Variants in MEI4 observed in about 807,000 individuals in gnomAD.
The protein encoded by MEI4 is meiotic double-stranded break formation protein 4.
A neutral mutation model predicts 31.4 loss-of-function variants in MEI4; 27 were observed. The observed-to-expected ratio is 0.86, with a 90% CI of 0.63 to 1.19. The LOEUF is 1.19. Ranked by LOEUF, MEI4 falls within the 50% of genes most tolerant of loss-of-function variation. The pLI is 0.00. For missense variants in MEI4, 329 were observed against 398.9 expected (o/e 0.82, Z 1.49); for synonymous variants, 122 against 145.4 (o/e 0.84, Z 1.16).
At chr6:77,660,603 C>T (rs1046828506) in intron 1 of MEI4, among the ~76,000 whole-genome samples, 8 of 151,700 alleles carry the variant, frequency 5.3e-5, no homozygotes, top group Non-Finnish European at 7.4e-5. Flanking sequence ...AAAGCCCTGT[C>T]GCAAAAGTAG....
intron 2 of MEI4, among the ~76,000 whole-genome samples, chr6:77,756,151 G>C (rs1447774033): frequency 6.6e-6 from 1 of 152,036 alleles, no homozygotes; most frequent in African/African-American, 2.4e-5. Flanking sequence ...AAAGGGACAA[G>C]GATATATTAG....
At chr6:77,734,156 G>A (rs1051363664) in intron 2 of MEI4, among the ~76,000 whole-genome samples, 5 of 151,984 alleles carry the variant, frequency 3.3e-5, no homozygotes, top group Non-Finnish European at 5.9e-5. Context: ...GCTTGGTGCA[G>A]AGCTGAGTTC....
At chr6:77,687,276 C>T (rs543155822) in intron 1 of MEI4, among the ~76,000 whole-genome samples, 11 of 152,126 alleles carry the variant, frequency 7.2e-5, no homozygotes, top group African/African-American at 1.4e-4. Context: ...TACATACCTT[C>T]GTGGGAGATA....
intron 2 of MEI4, among the ~76,000 whole-genome samples, chr6:77,701,398 G>A (rs987523238): frequency 2.0e-5 from 3 of 152,094 alleles, no homozygotes; most frequent in Non-Finnish European, 2.9e-5. Context: ...TCCGTAGGCA[G>A]ATTTAGGATT....
chr6:77,922,048 G>GA (rs1166333324), intron 4 of MEI4, among the ~76,000 whole-genome samples: 2 of 151,552 alleles, frequency 1.3e-5, no homozygotes, highest in African/African-American at 4.8e-5. Flanking sequence ...CCTTCAATTT[G>GA]AAAAAATTGC....
intron 2 of MEI4, among the ~76,000 whole-genome samples, chr6:77,723,180 A>C (rs1766752285): frequency 6.9e-6 from 1 of 144,194 alleles, no homozygotes; most frequent in Admixed American, 6.9e-5. Flanking sequence ...CAGTCCCCTC[A>C]GGCAGGGGGC....
At chr6:77,907,374 G>A (rs1766320361) in intron 4 of MEI4, among the ~76,000 whole-genome samples, 1 of 152,136 alleles carries the variant, frequency 6.6e-6, no homozygotes, top group African/African-American at 2.4e-5. Context: ...ACCTATGAGT[G>A]AGAACATGCA....
At chr6:77,862,408 C>T (rs768222925) in intron 4 of MEI4, among the ~76,000 whole-genome samples, 9 of 152,216 alleles carry the variant, frequency 5.9e-5, no homozygotes, top group South Asian at 2.1e-4. Flanking sequence ...TCTTAGCAAA[C>T]GGCACAACAG....
intron 4 of MEI4, among the ~76,000 whole-genome samples, chr6:77,888,613 T>C (rs1204258852): frequency 6.6e-6 from 1 of 152,200 alleles, no homozygotes; most frequent in Non-Finnish European, 1.5e-5. Flanking sequence ...GGGCATAATA[T>C]TCTTGGCTGA....
In MEI4 at chr6:77,820,411, G is replaced by A. The variant is rs1267394542; in HGVS notation, c.769-8520G>A. 1.3e-5 allele frequency among the ~76,000 whole-genome samples: 2 copies of A among 151,012 alleles called. No individual in the cohort carries two copies. Among genetic ancestry groups the A allele is most frequent in the Non-Finnish European group, 1.5e-5 (1 of 67,298 alleles). ...TGAGTAGCTGGGACTACAGGCACAC[G>A]CCACCATGCCCCCCTGGCTAATTTT... On this transcript the variant is annotated intron_variant, in intron 3 of 4. Coordinates refer to ENST00000684080, the MANE Select transcript of MEI4 (RefSeq NM_001322247.2). This position sits in a 1 kb window ranked among gnomAD's most constrained non-coding sequence, Gnocchi z 4.5.
At chr6:77,802,043 T>A (rs1244435618) in intron 3 of MEI4, among the ~76,000 whole-genome samples, 2 of 152,164 alleles carry the variant, frequency 1.3e-5, no homozygotes, top group East Asian at 1.9e-4. Flanking sequence ...TTCTGTCTCG[T>A]TGATCTGTCT....
chr6:77,921,748 A>G lies in MEI4; in HGVS notation c.901-1341A>G, dbSNP rs563460504. Among the ~76,000 whole-genome samples the G allele has an allele frequency of 3.9e-3, 587 of 151,884 alleles. 4 individuals are homozygous for G. Among genetic ancestry groups the G allele is most frequent in the Non-Finnish European group, 7.0e-3 (473 of 67,838 alleles). On this transcript the variant is annotated intron_variant, in intron 4 of 4. Transcript: ENST00000684080. ...TTTCAATATTGTTTTGTCTCAGAGAATAAGGAGGCCTAAGGAGAGTAAGGG... is the reference window on the plus strand; with the variant it reads ...TTTCAATATTGTTTTGTCTCAGAGAGTAAGGAGGCCTAAGGAGAGTAAGGG...
At chr6:77,818,248 CTA>C (rs1769735091) in intron 3 of MEI4, among the ~76,000 whole-genome samples, 1 of 151,960 alleles carries the variant, frequency 6.6e-6, no homozygotes, top group African/African-American at 2.4e-5. Flanking sequence ...TATTTTATAT[CTA>C]ATTTTGTTTT....
chr6:77,896,110 C>G (rs1766079589), intron 4 of MEI4, among the ~76,000 whole-genome samples: 1 of 152,052 alleles, frequency 6.6e-6, no homozygotes, highest in Non-Finnish European at 1.5e-5. Context: ...GACAGTGGTA[C>G]TGAGAAAGTA....
chr6:77,686,734 G>A (rs1769061336), intron 1 of MEI4, among the ~76,000 whole-genome samples: 3 of 151,990 alleles, frequency 2.0e-5, no homozygotes, highest in Admixed American at 6.6e-5. Flanking sequence ...TTTATTGAAG[G>A]TGAAATCTTA....
At chr6:77,852,581 G>GTT (rs1190998755) in intron 4 of MEI4, among the ~76,000 whole-genome samples, 4 of 56,006 alleles carry the variant, frequency 7.1e-5, no homozygotes, top group African/African-American at 4.0e-4. Flanking sequence ...TTTTGTTGTT[G>GTT]TTTGTTTTTT....
chr6:77,701,905 A>AC (rs746515647), intron 2 of MEI4, among the ~76,000 whole-genome samples: 1 of 152,124 alleles, frequency 6.6e-6, no homozygotes, highest in African/African-American at 2.4e-5. Context: ...CCGAGAAACA[A>AC]CCAACCCAGC....
intron 3 of MEI4, among the ~76,000 whole-genome samples, chr6:77,789,632 C>T (rs1218140007): frequency 6.6e-6 from 1 of 152,162 alleles, no homozygotes; most frequent in Non-Finnish European, 1.5e-5. Flanking sequence ...GACATGTATG[C>T]AGCCAAAAGG....
chr6:77,746,664 TGTG>T (rs1767617261), intron 2 of MEI4, among the ~76,000 whole-genome samples: 2 of 149,552 alleles, frequency 1.3e-5, no homozygotes, highest in African/African-American at 2.4e-5. Context: ...TGTGTGTGTG[TGTG>T]TGTGTGTATG....
Sources: gnomAD v4.1 joint callset for allele counts (sites outside exome capture counted in the v4.1 genomes callset) on GRCh38, gnomAD v4.1.1 for gene constraint, Gnocchi (gnomAD v3.1) non-coding constraint, MANE v1.5 for transcripts, NCBI Gene and HGNC (gene_info 2026-07-23, HGNC 2026-07-21) for gene names.